The following HTR1F variants were observed in gnomAD, a reference collection of about 807,000 sequenced individuals.
HTR1F encodes 5-hydroxytryptamine (serotonin) receptor 1F, G protein-coupled.
A neutral mutation model predicts 24.0 loss-of-function variants in HTR1F; 17 were observed. The ratio of observed to expected loss-of-function variants is 0.71; its 90% CI spans 0.48 to 1.06. The LOEUF is 1.06. HTR1F is among the 50% of genes least tolerant of loss of function. The pLI, the probability that HTR1F is intolerant of heterozygous loss-of-function variation, is 0.00. For synonymous variants in HTR1F, 186 were observed against 156.8 expected (o/e 1.19, Z -1.39); for missense variants, 391 against 427.8 (o/e 0.91, Z 0.76).
chr3:87,907,737 A>G (rs1482490901), intron 2 of HTR1F, among the ~76,000 whole-genome samples: 3 of 152,036 alleles, frequency 2.0e-5, no homozygotes, highest in Admixed American at 2.0e-4. Context: ...TGGAGGCAAT[A>G]GAGTAAAACA....
intron 2 of HTR1F, among the ~76,000 whole-genome samples, chr3:87,929,977 G>C (rs1283899227): frequency 1.3e-5 from 2 of 152,078 alleles, no homozygotes; most frequent in African/African-American, 2.4e-5. Flanking sequence ...TGATTTCTTT[G>C]AGCAGTGTTT....
intron 1 of HTR1F, among the ~76,000 whole-genome samples, chr3:87,819,877 T>C (rs545118933): frequency 1.3e-5 from 2 of 151,810 alleles, no homozygotes; most frequent in African/African-American, 2.4e-5. Context: ...ACAAACTATT[T>C]AAGTACAATG....
At chr3:87,814,330 G>A (rs1229711749) in intron 1 of HTR1F, among the ~76,000 whole-genome samples, 2 of 151,994 alleles carry the variant, frequency 1.3e-5, no homozygotes, top group Non-Finnish European at 2.9e-5. Context: ...TATACATTAT[G>A]GAATGGCTAC....
intron 2 of HTR1F, among the ~76,000 whole-genome samples, chr3:87,950,337 C>A (rs146686805): frequency 6.6e-6 from 1 of 152,140 alleles, no homozygotes; most frequent in African/African-American, 2.4e-5. Flanking sequence ...CTATTTTATC[C>A]TCTCACAAGT....
chr3:87,899,441 C>T (rs1400334983), intron 2 of HTR1F, among the ~76,000 whole-genome samples: 1 of 152,046 alleles, frequency 6.6e-6, no homozygotes, highest in East Asian at 1.9e-4. Context: ...AGCTAAATAC[C>T]TTTTAATTTA....
At chr3:87,897,212 T>A (rs1706217268) in intron 2 of HTR1F, among the ~76,000 whole-genome samples, 1 of 141,254 alleles carries the variant, frequency 7.1e-6, no homozygotes, top group Admixed American at 7.0e-5. Flanking sequence ...TTATATAATA[T>A]ATAAACATAT....
At chr3:87,912,769 C>A (rs536374702) in intron 2 of HTR1F, among the ~76,000 whole-genome samples, 1 of 151,898 alleles carries the variant, frequency 6.6e-6, no homozygotes, top group Non-Finnish European at 1.5e-5. Flanking sequence ...GAGTGGAGAG[C>A]CGAGAAATAA....
At chr3:87,980,943 G>A (rs565569266) in intron 2 of HTR1F, among the ~76,000 whole-genome samples, 7 of 152,292 alleles carry the variant, frequency 4.6e-5, no homozygotes, top group South Asian at 4.1e-4. Flanking sequence ...ATGACCCTGA[G>A]AGCATAGGAA....
chr3:87,830,982 C>T (rs1704561664), intron 2 of HTR1F, among the ~76,000 whole-genome samples: 1 of 152,026 alleles, frequency 6.6e-6, no homozygotes, highest in African/African-American at 2.4e-5. Context: ...CGTGGAGTTC[C>T]ATGAAAGAAG....
rs780205846 is a variant in HTR1F at position 87,977,628 on chromosome 3, A to G, written c.-42-13080A>G. Among the ~76,000 whole-genome samples the G allele has an allele frequency of 9.6e-5, 14 of 145,550 alleles. No individual in the cohort carries two copies. In the South Asian group the frequency reaches 1.3e-3, roughly 14 times the overall value. The stretch of plus-strand genomic sequence containing the variant: ...TAGTAGAGACAAGGTTCACCTTGTT[A>G]GCCAGGATGGTCTCGATCTCCTGAC... On this transcript the variant is annotated intron_variant, in intron 2 of 2. Coordinates refer to ENST00000319595, the MANE Select transcript of HTR1F (RefSeq NM_001322209.2).
chr3:87,829,156 G>A (rs1038357059), intron 2 of HTR1F, among the ~76,000 whole-genome samples: 1 of 151,986 alleles, frequency 6.6e-6, no homozygotes, highest in Non-Finnish European at 1.5e-5. Context: ...TTACCTCCTG[G>A]TTGAGTGATG....
At chr3:87,875,398 C>T (rs561102896) in intron 2 of HTR1F, among the ~76,000 whole-genome samples, 3 of 150,566 alleles carry the variant, frequency 2.0e-5, no homozygotes, top group Non-Finnish European at 4.4e-5. Flanking sequence ...TGCAGTGAGC[C>T]GAGATCATAC....
At chr3:87,903,296 GCTT>G (rs1467511119) in intron 2 of HTR1F, among the ~76,000 whole-genome samples, 1 of 149,070 alleles carries the variant, frequency 6.7e-6, no homozygotes, top group Admixed American at 6.7e-5. Flanking sequence ...AAACTAAAGA[GCTT>G]CTGCACAGCA....
chr3:87,803,162 CT>C (rs1421688893), intron 1 of HTR1F, among the ~76,000 whole-genome samples: 1 of 152,118 alleles, frequency 6.6e-6, no homozygotes, highest in Non-Finnish European at 1.5e-5. Context: ...TTCCTTTCCC[CT>C]CTCTCTTCTG....
chr3:87,945,663 C>T (rs1404098662), intron 2 of HTR1F, among the ~76,000 whole-genome samples: 1 of 152,094 alleles, frequency 6.6e-6, no homozygotes, highest in Non-Finnish European at 1.5e-5. Context: ...CCCAGAAGGG[C>T]TGGGGGTTGT....
chr3:87,982,335 C>G (rs1705562487), intron 2 of HTR1F, among the ~76,000 whole-genome samples: 1 of 152,102 alleles, frequency 6.6e-6, no homozygotes, highest in Admixed American at 6.5e-5. Flanking sequence ...CCCCACAGCC[C>G]TAATAGTCTA....
rs374614023 is a variant in HTR1F at position 87,907,856 on chromosome 3, G to T, written c.-42-82852G>T. Among the ~76,000 whole-genome samples, 7 of 152,004 alleles carry T rather than the reference G, an allele frequency of 4.6e-5. No homozygotes were observed. In the East Asian group the frequency reaches 1.2e-3, roughly 25 times the overall value. On this transcript the variant is annotated intron_variant, in intron 2 of 2. Coordinates refer to ENST00000319595, the MANE Select transcript of HTR1F (RefSeq NM_001322209.2). Reference sequence around the variant, plus strand: ...GAATAGCAAAGAAAGAATAATTTTTGATAACATTTTTAACCAAAAGAAAGA... The same window carrying T: ...GAATAGCAAAGAAAGAATAATTTTTTATAACATTTTTAACCAAAAGAAAGA...
intron 2 of HTR1F, among the ~76,000 whole-genome samples, chr3:87,831,394 A>G (rs1704576134): frequency 6.7e-6 from 1 of 150,028 alleles, no homozygotes; most frequent in Non-Finnish European, 1.5e-5. Context: ...ATGGAGTCTC[A>G]CTCTGTCGCC....
intron 2 of HTR1F, among the ~76,000 whole-genome samples, chr3:87,852,573 T>C (rs920749861): frequency 4.6e-5 from 7 of 151,692 alleles, no homozygotes; most frequent in African/African-American, 1.7e-4. Flanking sequence ...TGCAAGCAAT[T>C]TGTAGATTTT....
Sources: allele counts gnomAD v4.1 joint callset (sites outside exome capture counted in the v4.1 genomes callset), GRCh38; gene constraint gnomAD v4.1.1; transcripts MANE v1.5; gene names NCBI Gene and HGNC (gene_info 2026-07-23, HGNC 2026-07-21).